GPR158: variants seen among roughly 807,000 people sequenced by gnomAD.
The protein encoded by GPR158 is metabotropic glycine receptor.
A neutral mutation model predicts 78.2 loss-of-function variants in GPR158; 30 were observed. That is an observed-to-expected ratio of 0.38 (90% CI 0.29 to 0.52). GPR158 has a LOEUF of 0.52. Ranked by LOEUF, GPR158 falls within the 20% of genes least tolerant of loss-of-function variation. The pLI is 0.83. For missense variants in GPR158, 1,463 were observed against 1,523.5 expected (o/e 0.96, Z 0.66); for synonymous variants, 581 against 591.1 (o/e 0.98, Z 0.25).
At chr10:25,406,488 C>T (rs1449272626) in intron 3 of GPR158, among the ~76,000 whole-genome samples, 1 of 152,090 alleles carries the variant, frequency 6.6e-6, no homozygotes, top group Admixed American at 6.6e-5. Flanking sequence ...TTGAAAGGAT[C>T]AGATTTCAGT....
At position 25,515,383 on chromosome 10, in the gene GPR158, T is replaced by A. The variant is rs182002163; in HGVS notation, c.1405-35593T>A. 2.7e-3 allele frequency among the ~76,000 whole-genome samples: 415 copies of A among 151,964 alleles called. 4 individuals are homozygous for A. The highest frequency in any genetic ancestry group is 8.8e-3 in the African/African-American group (363 of 41,474). On this transcript the variant is annotated intron_variant, in intron 5 of 10. Transcript: ENST00000376351. The stretch of plus-strand genomic sequence containing the variant: ...TTATGTTATCTATTTCTTTTTTTTT[T>A]TATACTTTAAGTTTTAGGGTACATG...
At chr10:25,383,655 T>G (rs996671049) in intron 2 of GPR158, among the ~76,000 whole-genome samples, 3 of 152,196 alleles carry the variant, frequency 2.0e-5, no homozygotes, top group African/African-American at 7.2e-5. Context: ...AAAGTATATT[T>G]CATATGTACA....
chr10:25,391,510 T>G (rs1834297481), intron 2 of GPR158, among the ~76,000 whole-genome samples: 1 of 152,132 alleles, frequency 6.6e-6, no homozygotes, highest in Non-Finnish European at 1.5e-5. Flanking sequence ...AGCTTTAAGA[T>G]TTGACTGTCC....
chr10:25,519,507 G>C (rs1245983913), intron 5 of GPR158, among the ~76,000 whole-genome samples: 1 of 136,086 alleles, frequency 7.3e-6, no homozygotes, highest in African/African-American at 3.2e-5. Context: ...TGCAGCAGCT[G>C]GTACCGGTTG....
At chr10:25,187,920 G>T (rs1852710960) in intron 1 of GPR158, among the ~76,000 whole-genome samples, 1 of 152,162 alleles carries the variant, frequency 6.6e-6, no homozygotes, top group Non-Finnish European at 1.5e-5. Flanking sequence ...AAGCTGATAA[G>T]CAACTTCAGC....
intron 1 of GPR158, among the ~76,000 whole-genome samples, chr10:25,205,717 T>C (rs1275504692): frequency 6.6e-6 from 1 of 152,202 alleles, no homozygotes; most frequent in Admixed American, 6.5e-5. Flanking sequence ...GGTTGTTTGC[T>C]TTCCATGTAA....
intron 5 of GPR158, among the ~76,000 whole-genome samples, chr10:25,512,730 T>TTTTTTTTTTTTTTTTTTTTTTTTTATTA (rs1564475626): frequency 6.8e-6 from 1 of 147,200 alleles, no homozygotes; most frequent in African/African-American, 2.7e-5. Flanking sequence ...GCTGAGAGTT[T>TTTTTTTTTTTTTTTTTTTTTTTTTATTA]TAATCATAAA....
chr10:25,508,432 C>T (rs1333297650), intron 5 of GPR158, among the ~76,000 whole-genome samples: 1 of 152,116 alleles, frequency 6.6e-6, no homozygotes, highest in African/African-American at 2.4e-5. Context: ...CTATATGTCA[C>T]ATATATTCTA....
chr10:25,398,120 G>C (rs1011687868), intron 3 of GPR158, among the ~76,000 whole-genome samples: 1 of 152,170 alleles, frequency 6.6e-6, no homozygotes, highest in Non-Finnish European at 1.5e-5. Flanking sequence ...GTGAGCTCCA[G>C]ATGAGAATGC....
chr10:25,405,942 G>C (rs12254479), intron 3 of GPR158, among the ~76,000 whole-genome samples: 14,435 of 151,990 alleles, frequency 0.095, 776 homozygotes, highest in East Asian at 0.17. Flanking sequence ...TGATTACCAT[G>C]TTGTTCAAAT....
At chr10:25,478,801 C>A (rs4630196) in intron 5 of GPR158, among the ~76,000 whole-genome samples, 27 of 124,408 alleles carry the variant, frequency 2.2e-4, no homozygotes, top group Admixed American at 1.1e-3. Flanking sequence ...TCCCTCCCCC[C>A]ACCCCACGAC....
rs1218891774 is a variant in GPR158 at position 25,598,110 on chromosome 10, G to A, written c.2484G>A (p.Thr828=). Residue 828 remains threonine (T), a synonymous_variant, in exon 11 of 11, where the codon ACG becomes ACA. Transcript: ENST00000376351. ...HSTYDHVRDQ[T]EESSSLPTES... ...CTTATGACCACGTGAGAGACCAAAC[G>A]GAAGAGTCCAGTAGCCTACCCACAG... 6.2e-6 allele frequency: 10 copies of A among 1,614,026 alleles called. No homozygotes were observed. Among genetic ancestry groups the A allele is most frequent in the East Asian group, 2.2e-5 (1 of 44,868 alleles).
chr10:25,599,199 T>C lies in GPR158; in HGVS notation c.3573T>C (p.Pro1191=). 1 of 1,612,048 alleles carries C rather than the reference T, an allele frequency of 6.2e-7. No homozygotes were observed. The highest frequency in any genetic ancestry group is 8.5e-7 in the Non-Finnish European group (1 of 1,179,806). ...ATGCTGGAAGAAGTGTAGCTTTACC[T>C]GCCTCTTCTGCTCTAAGTGCAAATA... ...QPNAGRSVAL[P]ASSALSANKI... The change falls in exon 11 of 11, where the codon CCT becomes CCC. Residue 1191 remains proline, a synonymous_variant. Coordinates refer to ENST00000376351, the MANE Select transcript of GPR158 (RefSeq NM_020752.3).
At position 25,466,686 on chromosome 10, in the gene GPR158, G is replaced by C. The variant is rs1175352427; in HGVS notation, c.1371G>C (p.Thr457=). Residue 457 remains threonine (T), a synonymous_variant, in exon 5 of 11, where the codon ACG becomes ACC. Transcript: ENST00000376351. ...IRASGLILLE[T]ILFGSLLLYF... ...CATCGGGCCTTATCCTGTTGGAAAC[G>C]ATCCTTTTTGGATCTCTGCTCCTAT... is the stretch of plus-strand genomic sequence containing the variant. The C allele has an allele frequency of 6.2e-7, 1 of 1,606,324 alleles. No individual in the cohort carries two copies. The highest frequency in any genetic ancestry group is 1.7e-5 in the Admixed American group (1 of 59,022).
intron 2 of GPR158, among the ~76,000 whole-genome samples, chr10:25,310,400 A>C (rs1854746512): frequency 6.6e-6 from 1 of 152,058 alleles, no homozygotes; most frequent in Admixed American, 6.6e-5. Context: ...TTACATATGA[A>C]TTTTAGGGTG....
chr10:25,296,722 A>G (rs943360030), intron 2 of GPR158, among the ~76,000 whole-genome samples: 7 of 152,122 alleles, frequency 4.6e-5, no homozygotes, highest in Non-Finnish European at 7.3e-5. Context: ...ACCTCTCATA[A>G]TGATATTAAA....
At chr10:25,506,227 T>C (rs1836011449) in intron 5 of GPR158, among the ~76,000 whole-genome samples, 1 of 152,212 alleles carries the variant, frequency 6.6e-6, no homozygotes, top group Non-Finnish European at 1.5e-5. Context: ...TCAGGAAATG[T>C]TTATGGTGAT....
At chr10:25,434,539 G>A (rs371426112) in intron 4 of GPR158, among the ~76,000 whole-genome samples, 2 of 152,144 alleles carry the variant, frequency 1.3e-5, no homozygotes, top group Admixed American at 6.5e-5. Context: ...ACTTTGCACA[G>A]TTATAAATTA....
At chr10:25,242,309 G>C (rs969608453) in intron 2 of GPR158, among the ~76,000 whole-genome samples, 1 of 152,216 alleles carries the variant, frequency 6.6e-6, no homozygotes, top group Non-Finnish European at 1.5e-5. Flanking sequence ...TCTAGATGGT[G>C]TAAAAGCTGG....
Sources: gnomAD v4.1 joint callset for allele counts (sites outside exome capture counted in the v4.1 genomes callset) on GRCh38, gnomAD v4.1.1 for gene constraint, MANE v1.5 for transcripts, NCBI Gene and HGNC (gene_info 2026-07-23, HGNC 2026-07-21) for gene names.